Variants in GRM7 observed in about 807,000 individuals in gnomAD.
The protein encoded by GRM7 is glutamate metabotropic receptor 7.
Under a neutral mutation model 84.5 loss-of-function variants are expected in GRM7, and 35 were observed. The observed-to-expected ratio is 0.41, with a 90% CI of 0.32 to 0.55. GRM7 has a LOEUF of 0.55. Among genes scored for constraint, GRM7 ranks in the 20% least tolerant of loss-of-function variants. The probability of loss-of-function intolerance (pLI) is 0.19; values close to 1 mark genes in which losing one functional copy is unlikely to be tolerated. For missense variants in GRM7, 1,003 were observed against 1,194.6 expected, an observed-to-expected ratio of 0.84 and a Z score of 2.36; for synonymous variants, 487 against 455.1, an observed-to-expected ratio of 1.07 and a Z score of -0.89.
chr3:6,861,957 C>G lies in GRM7; in HGVS notation c.519+50C>G. ...GGAGCACACAGTGGCTACCTGCGCC[C>G]TTAACCCTAAAAGCTGGCTTGGACT... On this transcript the variant is annotated intron_variant, in intron 1 of 9. Transcript: ENST00000357716. This position sits in a 1 kb window ranked among gnomAD's most constrained non-coding sequence, Gnocchi z 6.4. 1.3e-6 allele frequency: 2 copies of G among 1,499,666 alleles called. No homozygotes were observed. The highest frequency in any genetic ancestry group is 1.8e-6 in the Non-Finnish European group (2 of 1,099,278). The allele number at this position is 1,499,666 out of a possible 1,614,324, so 92.9% of individuals were successfully genotyped here.
intron 3 of GRM7, among the ~76,000 whole-genome samples, chr3:7,304,547 A>G (rs1419616161): frequency 1.3e-5 from 2 of 151,378 alleles, no homozygotes; most frequent in African/African-American, 2.4e-5. Context: ...GATTTACTCT[A>G]TTTTCTCTGT....
intron 8 of GRM7, among the ~76,000 whole-genome samples, chr3:7,645,322 G>A (rs141473842): frequency 6.6e-6 from 1 of 151,910 alleles, no homozygotes. Context: ...GCCAAGGCGG[G>A]CAGACCACAA....
At chr3:7,102,062 C>G (rs1051612788) in intron 1 of GRM7, among the ~76,000 whole-genome samples, 3 of 151,190 alleles carry the variant, frequency 2.0e-5, no homozygotes, top group Middle Eastern at 6.8e-3. Flanking sequence ...AAATTTTTTT[C>G]TTTCAAAATT....
intron 7 of GRM7, among the ~76,000 whole-genome samples, chr3:7,492,345 T>C (rs1458030641): frequency 6.6e-6 from 1 of 152,134 alleles, no homozygotes; most frequent in Non-Finnish European, 1.5e-5. Context: ...AAAAGTTCAC[T>C]TTTTTTGTAG....
At chr3:7,654,221 T>C (rs1005366537) in intron 8 of GRM7, among the ~76,000 whole-genome samples, 6 of 152,154 alleles carry the variant, frequency 3.9e-5, no homozygotes, top group African/African-American at 1.4e-4. Flanking sequence ...CATAAATAAG[T>C]TGCAAGGTAA....
rs1203682199 is a variant in GRM7, at chr3:6,863,012, G to GT, written c.519+1106dup. 1 of 456,164 alleles carries GT rather than the reference G, an allele frequency of 2.2e-6. No homozygotes were observed. Among genetic ancestry groups the GT allele is most frequent in the African/African-American group, 2.0e-5 (1 of 50,058 alleles). The allele number at this position is 456,164 out of a possible 1,614,324, so 28.3% of individuals were successfully genotyped here. A position where few individuals can be genotyped will look rare whatever the true frequency, so the allele number is the denominator to read the frequency against. ...CCTGAGCTGCACTGGGTAGGAATGAGTGGCTTTGGGGTTTGGAAATTGAGT... is the reference window on the plus strand; with the variant it reads ...CCTGAGCTGCACTGGGTAGGAATGAGTTGGCTTTGGGGTTTGGAAATTGAGT... On this transcript the variant is annotated intron_variant, in intron 1 of 9. Transcript: ENST00000357716. The surrounding 1 kb of genome is among the most constrained non-coding windows in gnomAD (Gnocchi z 4.8).
intron 4 of GRM7, among the ~76,000 whole-genome samples, chr3:7,375,521 T>C (rs1327685316): frequency 1.3e-5 from 2 of 152,034 alleles, no homozygotes; most frequent in Non-Finnish European, 2.9e-5. Flanking sequence ...CCCGGCCCCC[T>C]TCTTTACATA....
chr3:6,954,315 A>G (rs977150548), intron 1 of GRM7, among the ~76,000 whole-genome samples: 2 of 152,156 alleles, frequency 1.3e-5, no homozygotes, highest in African/African-American at 4.8e-5. Context: ...CAAACATTCA[A>G]ACTTTTTCTG....
At chr3:6,998,708 G>A (rs1694911609) in intron 1 of GRM7, among the ~76,000 whole-genome samples, 1 of 152,184 alleles carries the variant, frequency 6.6e-6, no homozygotes, top group African/African-American at 2.4e-5. Flanking sequence ...GTACCTGCAG[G>A]CTCAACGCCA....
At chr3:7,510,896 CTG>C (rs1399255695) in intron 7 of GRM7, among the ~76,000 whole-genome samples, 2 of 152,162 alleles carry the variant, frequency 1.3e-5, no homozygotes, top group Non-Finnish European at 2.9e-5. Flanking sequence ...AGTGGAATAA[CTG>C]TGACTGAGAA....
rs980648627 is a variant in GRM7 at position 6,929,637 on chromosome 3, G to A, written c.519+67730G>A. On this transcript the variant is annotated intron_variant, in intron 1 of 9. Coordinates refer to ENST00000357716, the MANE Select transcript of GRM7 (RefSeq NM_000844.4). Reference sequence around the variant, plus strand: ...ATTGTAAGATAAAACTAGAGGACAGGTATTGATGCAGTCTTTGACTGTCAA... The same window carrying A: ...ATTGTAAGATAAAACTAGAGGACAGATATTGATGCAGTCTTTGACTGTCAA... Among the ~76,000 whole-genome samples the A allele has an allele frequency of 2.6e-5, 4 of 152,156 alleles. No individual in the cohort carries two copies. The East Asian group carries it at 5.8e-4, about 22-fold the overall frequency.
intron 4 of GRM7, among the ~76,000 whole-genome samples, chr3:7,336,086 C>T (rs1420442498): frequency 1.4e-5 from 2 of 141,332 alleles, no homozygotes; most frequent in Admixed American, 7.3e-5. Flanking sequence ...CAGGAAAGAA[C>T]GTAACAAAAA....
At chr3:7,089,538 T>C (rs6443086) in intron 1 of GRM7, among the ~76,000 whole-genome samples, 88,230 of 151,892 alleles carry the variant, frequency 0.58, 27,989 homozygotes, top group African/African-American at 0.86. Context: ...AGAAATGTGG[T>C]GGAACATGCA....
intron 7 of GRM7, among the ~76,000 whole-genome samples, chr3:7,489,758 A>T (rs1699454653): frequency 6.6e-6 from 1 of 152,108 alleles, no homozygotes; most frequent in Non-Finnish European, 1.5e-5. Context: ...TATTCATATA[A>T]TGAGGTCACA....
chr3:7,103,575 C>G (rs1699181247), intron 1 of GRM7, among the ~76,000 whole-genome samples: 2 of 151,748 alleles, frequency 1.3e-5, no homozygotes, highest in Admixed American at 6.6e-5. Flanking sequence ...TTGCTGTAGG[C>G]TTTTAATTAC....
chr3:7,307,166 C>G (rs1700223218), intron 4 of GRM7, among the ~76,000 whole-genome samples: 1 of 152,174 alleles, frequency 6.6e-6, no homozygotes, highest in Non-Finnish European at 1.5e-5. Context: ...TGTTTTCACT[C>G]TCTCCTTTTC....
chr3:7,250,635 T>C (rs1697948683), intron 2 of GRM7, among the ~76,000 whole-genome samples: 1 of 146,724 alleles, frequency 6.8e-6, no homozygotes, highest in Non-Finnish European at 1.5e-5. Context: ...GCAATTTTCC[T>C]TCCTCAGCCT....
intron 1 of GRM7, among the ~76,000 whole-genome samples, chr3:7,120,242 G>A (rs1457005767): frequency 3.3e-5 from 5 of 151,940 alleles, no homozygotes; most frequent in African/African-American, 9.7e-5. Context: ...AGTCAAGAAC[G>A]GGAAAAGAGA....
chr3:6,894,117 A>C (rs1241491429), intron 1 of GRM7: 2 of 152,152 alleles, frequency 1.3e-5, no homozygotes, highest in Non-Finnish European at 2.9e-5. Context: ...TTCTATGTAC[A>C]GATGAAACCT....
Sources: gnomAD v4.1 joint callset for allele counts (sites outside exome capture counted in the v4.1 genomes callset) on GRCh38, gnomAD v4.1.1 for gene constraint, Gnocchi (gnomAD v3.1) non-coding constraint, MANE v1.5 for transcripts, NCBI Gene and HGNC (gene_info 2026-07-23, HGNC 2026-07-21) for gene names.